GRIA3: variants seen among roughly 807,000 people sequenced by gnomAD.
GRIA3 encodes glutamate ionotropic receptor AMPA type subunit 3.
In GRIA3, 3 loss-of-function variants were observed where a neutral mutation model predicts 63.0. The ratio of observed to expected loss-of-function variants is 0.05; its 90% CI spans 0.02 to 0.12. The LOEUF (loss-of-function observed/expected upper bound fraction) is 0.12, where lower values mean the gene tolerates loss of function less well. GRIA3 is among the 10% of genes least tolerant of loss of function. The pLI is 1.00. For missense variants in GRIA3, 347 were observed against 700.9 expected (o/e 0.50, Z 5.70); for synonymous variants, 274 against 257.9 (o/e 1.06, Z -0.60).
At chrX:123,479,892 C>A (rs1245272118) in intron 13 of GRIA3, among the ~76,000 whole-genome samples, 171 bp from the exon 14 acceptor site, 1 of 112,293 alleles carries the variant, frequency 8.9e-6, no homozygotes, top group Non-Finnish European at 1.9e-5. Flanking sequence ...TATAGCGTTG[C>A]TGTAGTGTTA....
At chrX:123,426,614 G>A (rs760735344) in intron 11 of GRIA3, among the ~76,000 whole-genome samples, 3 of 112,192 alleles carry the variant, frequency 2.7e-5, no homozygotes, top group Non-Finnish European at 5.6e-5. Flanking sequence ...TCTCAGTTTG[G>A]TCTGCAGACC....
chrX:123,238,257 C>T (rs1367794944), intron 2 of GRIA3, among the ~76,000 whole-genome samples: 3 of 111,539 alleles, frequency 2.7e-5, no homozygotes, highest in East Asian at 2.8e-4. Flanking sequence ...GAAATCCCAT[C>T]GGCTTCCATC....
Position 123,184,437 on chromosome X carries a change from G to T in GRIA3, c.-99G>T. ...GTGAGCGAGAGCAAGTTAAGGGGAG[G>T]GGGTGTAAGAGCCAGCGAATTCTTT... On this transcript the variant is annotated 5_prime_UTR_variant, in exon 1 of 16. Coordinates refer to ENST00000620443, the MANE Select transcript of GRIA3 (RefSeq NM_007325.5). 2 of 652,173 alleles carry T rather than the reference G, an allele frequency of 3.1e-6. No homozygotes were observed. The highest frequency in any genetic ancestry group is 2.2e-5 in the South Asian group (1 of 45,903). 53.7% of individuals were successfully genotyped at this position (652,173 alleles called of 1,213,427 possible). A position where few individuals can be genotyped will look rare whatever the true frequency, so the allele number is the denominator to read the frequency against.
chrX:123,349,475 A>C (rs764148038), intron 4 of GRIA3, among the ~76,000 whole-genome samples: 3 of 112,641 alleles, frequency 2.7e-5, no homozygotes, highest in Non-Finnish European at 5.6e-5. Flanking sequence ...TTGTTCTCTA[A>C]TCCTCACATC....
intron 4 of GRIA3, among the ~76,000 whole-genome samples, chrX:123,329,158 G>A (rs768139094): frequency 4.1e-4 from 46 of 111,621 alleles, no homozygotes; most frequent in Non-Finnish European, 6.0e-4. Context: ...TTTTATGGAA[G>A]GAAACTTCTA....
chrX:123,323,505 G>A (rs1490148014), intron 3 of GRIA3, among the ~76,000 whole-genome samples: 1 of 111,988 alleles, frequency 8.9e-6, no homozygotes, highest in Non-Finnish European at 1.9e-5. Flanking sequence ...AATTTACCAT[G>A]AACTTAAATC....
At chrX:123,191,362 G>A (rs1270209788) in intron 2 of GRIA3, among the ~76,000 whole-genome samples, 1 of 111,745 alleles carries the variant, frequency 8.9e-6, no homozygotes, top group Non-Finnish European at 1.9e-5. Context: ...TGGGAGTTGT[G>A]CAGACACAAA....
At chrX:123,197,349 A>G (rs5911543) in intron 2 of GRIA3, among the ~76,000 whole-genome samples, 42,060 of 109,979 alleles carry the variant, frequency 0.38, 5,954 homozygotes, top group Middle Eastern at 0.46. Context: ...ACATGGTGAA[A>G]CCCCGTGTCT....
At chrX:123,269,408 C>T in intron 3 of GRIA3, among the ~76,000 whole-genome samples, 1 of 112,191 alleles carries the variant, frequency 8.9e-6, no homozygotes, top group Middle Eastern at 4.2e-3. Context: ...TATGCTCTTA[C>T]TAGGGTTACA....
intron 3 of GRIA3, among the ~76,000 whole-genome samples, chrX:123,318,129 C>G (rs1379923589): frequency 8.9e-6 from 1 of 112,300 alleles, no homozygotes; most frequent in Admixed American, 9.3e-5. Flanking sequence ...AGCTGGGACA[C>G]AAGGCACCAA....
chrX:123,301,121 C>T, intron 3 of GRIA3, among the ~76,000 whole-genome samples: 1 of 110,743 alleles, frequency 9.0e-6, no homozygotes. Flanking sequence ...GTGCCATGTG[C>T]CAATGGGAGG....
intron 3 of GRIA3, among the ~76,000 whole-genome samples, chrX:123,263,158 T>C (rs890189355): frequency 2.7e-5 from 3 of 112,164 alleles, no homozygotes; most frequent in Non-Finnish European, 5.6e-5. Flanking sequence ...AAACACACTG[T>C]CTGGCATCAG....
intron 3 of GRIA3, among the ~76,000 whole-genome samples, chrX:123,283,597 G>A (rs935441521): frequency 1.6e-4 from 18 of 110,976 alleles, no homozygotes; most frequent in Non-Finnish European, 2.6e-4. Flanking sequence ...TGAGTAGGCG[G>A]TTTTCCCCTC....
intron 4 of GRIA3, among the ~76,000 whole-genome samples, chrX:123,348,073 A>T (rs925539884): frequency 9.0e-6 from 1 of 111,497 alleles, no homozygotes; most frequent in African/African-American, 3.3e-5. Flanking sequence ...AAATCAAAGT[A>T]ATGAGTTCAC....
chrX:123,315,259 A>G (rs978615493), intron 3 of GRIA3, among the ~76,000 whole-genome samples: 17 of 112,234 alleles, frequency 1.5e-4, no homozygotes, highest in African/African-American at 5.5e-4. Context: ...GCTAACGGTA[A>G]ATTAAGGATT....
At chrX:123,427,807 TC>T (rs1485422141) in intron 11 of GRIA3, 133 bp from the exon 12 acceptor site, 9 of 522,741 alleles carry the variant, frequency 1.7e-5, no homozygotes, top group Non-Finnish European at 3.0e-5. Flanking sequence ...ATGTTTTAAT[TC>T]CCTCACATCA....
At chrX:123,388,844 T>C (rs1254860642) in intron 5 of GRIA3, among the ~76,000 whole-genome samples, 1 of 112,094 alleles carries the variant, frequency 8.9e-6, no homozygotes, top group Non-Finnish European at 1.9e-5. Flanking sequence ...TTTTTTGATA[T>C]TGGCAGTTAT....
At chrX:123,305,719 C>A (rs963846697) in intron 3 of GRIA3, among the ~76,000 whole-genome samples, 1 of 111,945 alleles carries the variant, frequency 8.9e-6, no homozygotes, top group Non-Finnish European at 1.9e-5. Flanking sequence ...TAGCATCAGG[C>A]CTTTATAGTT....
chrX:123,260,319 C>A (rs2044444196), intron 3 of GRIA3, among the ~76,000 whole-genome samples: 1 of 99,249 alleles, frequency 1.0e-5, no homozygotes, highest in Non-Finnish European at 2.0e-5. Context: ...TCATGAACTT[C>A]TTTAAAGTTC....
Sources: gnomAD v4.1 joint callset for allele counts (sites outside exome capture counted in the v4.1 genomes callset) on GRCh38, gnomAD v4.1.1 for gene constraint, MANE v1.5 for transcripts, NCBI Gene and HGNC (gene_info 2026-07-23, HGNC 2026-07-21) for gene names.